Variants in DNAH2 observed in about 807,000 individuals in gnomAD.
DNAH2 encodes the protein dynein axonemal heavy chain 2.
DNAH2 carries 323 observed loss-of-function variants against 523.5 expected under a neutral mutation model. That is an observed-to-expected ratio of 0.62 (90% CI 0.56 to 0.68). DNAH2 has a LOEUF of 0.68. Ranked by LOEUF, DNAH2 falls within the 30% of genes least tolerant of loss-of-function variation. The pLI, the probability that DNAH2 is intolerant of heterozygous loss-of-function variation, is 0.00. For missense variants in DNAH2, 4,907 were observed against 5,701.5 expected, an observed-to-expected ratio of 0.86 and a Z score of 4.49; for synonymous variants, 2,093 against 2,177.4, an observed-to-expected ratio of 0.96 and a Z score of 1.08.
Position 7,792,779 on chromosome 17 carries a change from C to T in DNAH2, c.7268C>T (p.Thr2423Ile). ...GTGGGTCCCGTGGGGACTGGGAAGA[C>T]CTCCATCGCCCAGAGCGTTCTGCAG... ...LLVGPVGTGK[T>I]SIAQSVLQSL... Residue 2423 changes from threonine (T) to isoleucine (I), a missense_variant, in exon 47 of 86, where the codon ACC becomes ATC. Physicochemically the swap from Thr to Ile is moderately conservative, Grantham distance 89. Transcript: ENST00000572933. The T allele has an allele frequency of 1.9e-6, 3 of 1,614,220 alleles. No individual in the cohort carries two copies. Among genetic ancestry groups the T allele is most frequent in the Non-Finnish European group, 2.5e-6 (3 of 1,180,022 alleles).
chr17:7,821,259 C>T lies in DNAH2; in HGVS notation c.11032C>T (p.Leu3678Phe), dbSNP rs1441927485. 3.7e-6 allele frequency: 6 copies of T among 1,613,550 alleles called. No individual in the cohort carries two copies. The Admixed American group carries it at 8.3e-5, about 22-fold the overall frequency. The change falls in exon 73 of 86, where the codon CTT becomes TTT. Residue 3678 changes from leucine (L) to phenylalanine (F), a missense_variant. By Grantham distance (22) the Leu-to-Phe change is conservative (BLOSUM62 0). This residue lies in a region of DNAH2 where 1,851 missense variants were observed against 2,139.4 expected (regional missense o/e 0.87). Coordinates refer to ENST00000572933, the MANE Select transcript of DNAH2 (RefSeq NM_020877.5). This position sits in a 1 kb window ranked among gnomAD's most constrained non-coding sequence, Gnocchi z 5.0. Reference sequence around the variant, plus strand: ...TTCTCCCAGGTACACCTGCCGTACCCTTTTCGAACGCCACAAACTACTATT... The same window carrying T: ...TTCTCCCAGGTACACCTGCCGTACCTTTTTCGAACGCCACAAACTACTATT... The part of the protein sequence containing the change: ...YAVYRYTCRT[L>F]FERHKLLFSF...
chr17:7,749,921 C>T (rs2075637749), intron 12 of DNAH2, among the ~76,000 whole-genome samples: 3 of 152,130 alleles, frequency 2.0e-5, no homozygotes, highest in South Asian at 2.1e-4. Context: ...CGCTTGAACC[C>T]GGGAGGCAGA....
chr17:7,755,959 A>G (rs1368465440), intron 12 of DNAH2, among the ~76,000 whole-genome samples: 1 of 151,884 alleles, frequency 6.6e-6, no homozygotes, highest in Non-Finnish European at 1.5e-5. Flanking sequence ...AAAAAAGGCC[A>G]GGAGTGGTGG....
rs150077108 is a variant in DNAH2 at position 7,779,694 on chromosome 17, G to T, written c.5722+271G>T. Reference sequence around the variant, plus strand: ...GATACTTAGCTTTCTTCTCCCTTTAGGCTAGCTCCAAGAGTTCTGGTCTCT... The same window carrying T: ...GATACTTAGCTTTCTTCTCCCTTTATGCTAGCTCCAAGAGTTCTGGTCTCT... On this transcript the variant is annotated intron_variant, in intron 36 of 85. Transcript: ENST00000572933. 4.5e-3 allele frequency among the ~76,000 whole-genome samples: 681 copies of T among 152,224 alleles called. 1 individual carries two copies. Among genetic ancestry groups the T allele is most frequent in the Admixed American group, 9.0e-3 (138 of 15,284 alleles).
chr17:7,790,997 A>G (rs959155781), intron 44 of DNAH2, among the ~76,000 whole-genome samples: 4 of 151,594 alleles, frequency 2.6e-5, no homozygotes, highest in Non-Finnish European at 4.4e-5. Context: ...ATGAGCCACC[A>G]TGTCTGGCCT....
chr17:7,766,281 G>T, intron 21 of DNAH2, 37 bp from the exon 22 acceptor site: 1 of 1,600,584 alleles, frequency 6.2e-7, no homozygotes, highest in South Asian at 1.1e-5. Flanking sequence ...TGCCAGACGT[G>T]AGCGGGAAGC....
At chr17:7,804,235 C>A in intron 58 of DNAH2, 21 bp from the exon 59 acceptor site, 1 of 1,613,288 alleles carries the variant, frequency 6.2e-7, no homozygotes, top group South Asian at 1.1e-5. Context: ...TCTCCACACC[C>A]TGTCCTATTC....
rs1194484116 is a variant in DNAH2, at chr17:7,794,220, C to T, written c.7570-34C>T. ...GGCGCCTCTCTTGCCCTCTCCCCTC[C>T]TGCCTGTCTGCCCTCCTTGTCGCTG... On this transcript the variant is annotated intron_variant, in intron 48 of 85. Coordinates refer to ENST00000572933, the MANE Select transcript of DNAH2 (RefSeq NM_020877.5). 8 of 1,544,414 alleles carry T rather than the reference C, an allele frequency of 5.2e-6. No homozygotes were observed. In the Admixed American group the frequency reaches 7.4e-5, roughly 14 times the overall value.
In DNAH2 at chr17:7,792,795, C is replaced by T. The variant is rs761803998; in HGVS notation, c.7284C>T (p.Ser2428=). ...VGTGKTSIAQ[S]VLQSLPSSQW... ...CTGGGAAGACCTCCATCGCCCAGAG[C>T]GTTCTGCAGTCCCTGCCCTCCAGCC... Residue 2428 remains serine (S), a synonymous_variant, in exon 47 of 86, where the codon AGC becomes AGT. Coordinates refer to ENST00000572933, the MANE Select transcript of DNAH2 (RefSeq NM_020877.5). The T allele has an allele frequency of 2.1e-5, 34 of 1,614,054 alleles. No individual in the cohort carries two copies. Among genetic ancestry groups the T allele is most frequent in the Middle Eastern group, 1.6e-4 (1 of 6,084 alleles).
chr17:7,800,074 C>T (rs559143421), intron 56 of DNAH2, among the ~76,000 whole-genome samples: 9 of 152,296 alleles, frequency 5.9e-5, no homozygotes, highest in East Asian at 3.9e-4. Flanking sequence ...TTGTTTGAGA[C>T]GGAGTCTCGC....
At chr17:7,779,477 G>C in intron 36 of DNAH2, 54 bp downstream of exon 36, 2 of 1,570,902 alleles carry the variant, frequency 1.3e-6, no homozygotes, top group Non-Finnish European at 1.7e-6. Context: ...TGGGTGTTCA[G>C]GGGAAATAAC....
chr17:7,762,779 A>G (rs1469135558), intron 18 of DNAH2, among the ~76,000 whole-genome samples: 1 of 152,188 alleles, frequency 6.6e-6, no homozygotes, highest in Non-Finnish European at 1.5e-5. Context: ...GGCACAGGAA[A>G]GGAAGAACAC....
Position 7,776,015 on chromosome 17 carries a change from TC to T in DNAH2, c.4822-3del. On this transcript the variant is annotated splice_region_variant and splice_polypyrimidine_tract_variant and intron_variant, in intron 30 of 85. Coordinates refer to ENST00000572933, the MANE Select transcript of DNAH2 (RefSeq NM_020877.5). ...GGCTGAGCTGCCCTATTCTCCCACC[TC>T]CCCCCAGTCCTGGCTTGGCGATGTG... is the stretch of plus-strand genomic sequence containing the variant. The T allele has an allele frequency of 6.2e-7, 1 of 1,612,208 alleles. No individual in the cohort carries two copies. Among genetic ancestry groups the T allele is most frequent in the Non-Finnish European group, 8.5e-7 (1 of 1,178,970 alleles).
Position 7,770,901 on chromosome 17 carries a change from C to G in DNAH2, c.4330C>G (p.Leu1444Val). 1.2e-6 allele frequency: 2 copies of G among 1,614,052 alleles called. No individual in the cohort carries two copies. Among genetic ancestry groups the G allele is most frequent in the South Asian group, 2.2e-5 (2 of 91,078 alleles). Residue 1444 changes from leucine (L) to valine (V), a missense_variant, in exon 27 of 86, where the codon CTC (leucine) becomes GTC (valine). By Grantham distance (32) the Leu-to-Val change is conservative. Transcript: ENST00000572933. ...CATTTTGGAGGTTATTGAGATGATTCTCACAGTGCAGCGTCAGTGGATGTA... is the reference window on the plus strand; with the variant it reads ...CATTTTGGAGGTTATTGAGATGATTGTCACAGTGCAGCGTCAGTGGATGTA... ...SLILEVIEMI[L>V]TVQRQWMYLE... is the part of the protein sequence containing the mutation.
rs2075988366 is a variant in DNAH2, at chr17:7,760,946, G to T, written c.2978+14G>T. 6.2e-7 allele frequency: 1 copy of T among 1,603,598 alleles called. No individual in the cohort carries two copies. The highest frequency in any genetic ancestry group is 1.3e-5 in the African/African-American group (1 of 74,838). Reference sequence around the variant, plus strand: ...CGACATTGCCCGGTGAGTGGTGAGGGTGGATTGAAAGTCTGTCTGTAGGAG... The same window carrying T: ...CGACATTGCCCGGTGAGTGGTGAGGTTGGATTGAAAGTCTGTCTGTAGGAG... On this transcript the variant is annotated intron_variant, in intron 18 of 85. Transcript: ENST00000572933. This position sits in a 1 kb window ranked among gnomAD's most constrained non-coding sequence, Gnocchi z 4.0.
At chr17:7,806,602 T>C (rs2077372781) in intron 61 of DNAH2, among the ~76,000 whole-genome samples, 1 of 134,024 alleles carries the variant, frequency 7.5e-6, no homozygotes, top group East Asian at 2.2e-4. Context: ...GAGCTTGCAG[T>C]GAGCCGAGAT....
At chr17:7,755,501 G>T (rs954880044) in intron 12 of DNAH2, among the ~76,000 whole-genome samples, 2 of 152,154 alleles carry the variant, frequency 1.3e-5, no homozygotes, top group Non-Finnish European at 2.9e-5. Context: ...GGATACCAAG[G>T]TCTGTGGAGG....
Position 7,798,452 on chromosome 17 carries a change from C to A in DNAH2, c.8399-106C>A. ...GCCCGTGTTGGGTGTAGGATGGTGT[C>A]GCGTGTATGCTGCGGGGCGGGGAGG... On this transcript the variant is annotated intron_variant, in intron 54 of 85. Coordinates refer to ENST00000572933, the MANE Select transcript of DNAH2 (RefSeq NM_020877.5). The surrounding 1 kb of genome is among the most constrained non-coding windows in gnomAD (Gnocchi z 5.5). 1 of 1,537,792 alleles carries A rather than the reference C, an allele frequency of 6.5e-7. No individual in the cohort carries two copies.
Position 7,798,474 on chromosome 17 carries a change from G to A in DNAH2, c.8399-84G>A, listed in dbSNP as rs2077129933. The A allele has an allele frequency of 6.4e-7, 1 of 1,572,888 alleles. No individual in the cohort carries two copies. Among genetic ancestry groups the A allele is most frequent in the Non-Finnish European group, 8.6e-7 (1 of 1,160,936 alleles). On this transcript the variant is annotated intron_variant, in intron 54 of 85. Coordinates refer to ENST00000572933, the MANE Select transcript of DNAH2 (RefSeq NM_020877.5). This position sits in a 1 kb window ranked among gnomAD's most constrained non-coding sequence, Gnocchi z 5.5. ...TGTCGCGTGTATGCTGCGGGGCGGG[G>A]AGGGTTCCTAAATCTCAGAAAAGGA...
Sources: gnomAD v4.1 joint callset for allele counts (sites outside exome capture counted in the v4.1 genomes callset) on GRCh38, gnomAD v4.1.1 for gene constraint, gnomAD v4.1.1 regional missense constraint, Gnocchi (gnomAD v3.1) non-coding constraint, MANE v1.5 for transcripts, NCBI Gene and HGNC (gene_info 2026-07-23, HGNC 2026-07-21) for gene names.